Variants in C5AR2 observed in about 807,000 individuals in gnomAD.
The protein encoded by C5AR2 is complement C5a receptor 2.
For synonymous variants in C5AR2, 224 were observed against 216.5 expected, an observed-to-expected ratio of 1.03 and a Z score of -0.30; for missense variants, 458 against 467.5, an observed-to-expected ratio of 0.98 and a Z score of 0.19.
rs1302434574 is a variant in C5AR2, at chr19:47,338,815, C to G, written c.-15-1970C>G. ...AAGTGCCGCTGCAGTCCAGTCTGGG[C>G]TACAGAGCCAGACCCTGTCTCAAAA... On this transcript the variant is annotated intron_variant, in intron 1 of 1. Coordinates refer to ENST00000595464, the MANE Select transcript of C5AR2 (RefSeq NM_001271749.2). Among the ~76,000 whole-genome samples the G allele has an allele frequency of 5.3e-5, 8 of 151,426 alleles. No homozygotes were observed. In the Admixed American group the frequency reaches 5.3e-4, roughly 10 times the overall value.
intron 1 of C5AR2, among the ~76,000 whole-genome samples, chr19:47,336,505 CTTT>C (rs1192301675): frequency 3.5e-5 from 5 of 142,142 alleles, no homozygotes; most frequent in Non-Finnish European, 7.6e-5. Flanking sequence ...TTCTTTCTTT[CTTT>C]CTTTTTCTTT....
intron 1 of C5AR2, among the ~76,000 whole-genome samples, chr19:47,335,649 G>A (rs1479024396): frequency 6.6e-6 from 1 of 150,958 alleles, no homozygotes; most frequent in Admixed American, 6.6e-5. Context: ...GCGGGCGCCT[G>A]TAGTCCCAGC....
rs112941061 is a variant in C5AR2, at chr19:47,344,223, T to C, written c.*2410T>C. Reference sequence around the variant, plus strand: ...TTAGCCTGGTTTGGTGGCACATGCCTGTAGTGCCAGCTACTAGGGAGACTG... The same window carrying C: ...TTAGCCTGGTTTGGTGGCACATGCCCGTAGTGCCAGCTACTAGGGAGACTG... On this transcript the variant is annotated 3_prime_UTR_variant, in exon 2 of 2. Transcript: ENST00000595464. The C allele has an allele frequency of 9.0e-3, 1,378 of 152,368 alleles. 14 individuals carry two copies. Among genetic ancestry groups the C allele is most frequent in the Non-Finnish European group, 0.016 (1,097 of 68,118 alleles). The allele number at this position is 152,368 out of a possible 1,614,324, so 9.4% of individuals were successfully genotyped here.
At position 47,342,054 on chromosome 19, in the gene C5AR2, T is replaced by C; in HGVS notation, c.*241T>C. On this transcript the variant is annotated 3_prime_UTR_variant, in exon 2 of 2. Coordinates refer to ENST00000595464, the MANE Select transcript of C5AR2 (RefSeq NM_001271749.2). Reference sequence around the variant, plus strand: ...ATTCTTCTAGTGGAGGAAGACAGACTATAAACAAAGATATATAGGGCCATT... The same window carrying C: ...ATTCTTCTAGTGGAGGAAGACAGACCATAAACAAAGATATATAGGGCCATT... 1 of 522,328 alleles carries C rather than the reference T, an allele frequency of 1.9e-6. No individual in the cohort carries two copies. Among genetic ancestry groups the C allele is most frequent in the South Asian group, 2.5e-5 (1 of 40,326 alleles). The allele number at this position is 522,328 out of a possible 1,614,324, so 32.4% of individuals were successfully genotyped here.
Position 47,332,918 on chromosome 19 carries a change from A to G in C5AR2, c.-16+569A>G, listed in dbSNP as rs1329743160. The stretch of plus-strand genomic sequence containing the variant: ...CTCTCAAACCTGCAGGAATTCCTGC[A>G]GCTTTCGGCAGATCCACCAAACTGT... On this transcript the variant is annotated intron_variant, in intron 1 of 1. Coordinates refer to ENST00000595464, the MANE Select transcript of C5AR2 (RefSeq NM_001271749.2). Among the ~76,000 whole-genome samples the G allele has an allele frequency of 2.6e-5, 4 of 152,194 alleles. 1 individual carries two copies. The highest frequency in any genetic ancestry group is 2.0e-4 in the Admixed American group (3 of 15,272).
chr19:47,340,026 G>GT (rs1295136582), intron 1 of C5AR2, among the ~76,000 whole-genome samples: 1 of 151,810 alleles, frequency 6.6e-6, no homozygotes, highest in Non-Finnish European at 1.5e-5. Flanking sequence ...GCAGGGGTAT[G>GT]ATCAAGCTCA....
rs1555808250 is a variant in C5AR2, at chr19:47,334,468, G to GAGA, written c.-16+2120_-16+2121insGAA. ...CAACAGAGTAAGGGCTGTCCATACA[G>GAGA]AAAAAAAAAAAAAAATTAGCTGGGC... On this transcript the variant is annotated intron_variant, in intron 1 of 1. Coordinates refer to ENST00000595464, the MANE Select transcript of C5AR2 (RefSeq NM_001271749.2). 7.2e-5 allele frequency among the ~76,000 whole-genome samples: 10 copies of GAGA among 138,406 alleles called. No homozygotes were observed. The East Asian group carries it at 2.1e-3, about 30-fold the overall frequency. The allele number at this position is 138,406 out of a possible 152,430, so 90.8% of individuals were successfully genotyped here. A position where few individuals can be genotyped will look rare whatever the true frequency, so the allele number is the denominator to read the frequency against.
In C5AR2 at chr19:47,341,344, C is replaced by A; in HGVS notation, c.545C>A (p.Ala182Asp). 1 of 1,612,128 alleles carries A rather than the reference C, an allele frequency of 6.2e-7. No homozygotes were observed. Among genetic ancestry groups the A allele is most frequent in the African/African-American group, 1.3e-5 (1 of 75,060 alleles). The change falls in exon 2 of 2, where the codon GCC becomes GAC. Residue 182 changes from alanine (A) to aspartate (D), a missense_variant. Coordinates refer to ENST00000595464, the MANE Select transcript of C5AR2 (RefSeq NM_001271749.2). The surrounding 1 kb of genome is among the most constrained non-coding windows in gnomAD (Gnocchi z 4.6). ...CGGCTGCACCAGGAGCACTTCCCAG[C>A]CCGGCTGCAGTGTGTGGTGGACTAC... ...YRRLHQEHFP[A>D]RLQCVVDYGG...
chr19:47,341,825 A>G lies in C5AR2; in HGVS notation c.*12A>G, dbSNP rs778708698. ...AGATGGAGGTGTAGGCTGGAGAGAC[A>G]TTGTGGGTGTGTATCTTCTTATCTC... is the stretch of plus-strand genomic sequence containing the variant. On this transcript the variant is annotated 3_prime_UTR_variant, in exon 2 of 2. Transcript: ENST00000595464. The surrounding 1 kb of genome is among the most constrained non-coding windows in gnomAD (Gnocchi z 4.6). The G allele has an allele frequency of 4.3e-6, 7 of 1,610,638 alleles. No homozygotes were observed. Among genetic ancestry groups the G allele is most frequent in the Non-Finnish European group, 5.1e-6 (6 of 1,177,804 alleles).
chr19:47,335,282 G>T (rs958821662), intron 1 of C5AR2, among the ~76,000 whole-genome samples: 6 of 152,034 alleles, frequency 3.9e-5, no homozygotes, highest in Non-Finnish European at 7.4e-5. Flanking sequence ...TGTTTTTGAT[G>T]CTTTGAGGAC....
At position 47,341,877 on chromosome 19, in the gene C5AR2, G is replaced by A; in HGVS notation, c.*64G>A. ...TTTCACAAGACTGGCTTCAGGCATAGCTGGATCCAGGAGCTCAATGATGTC... is the reference window on the plus strand; with the variant it reads ...TTTCACAAGACTGGCTTCAGGCATAACTGGATCCAGGAGCTCAATGATGTC... On this transcript the variant is annotated 3_prime_UTR_variant, in exon 2 of 2. Coordinates refer to ENST00000595464, the MANE Select transcript of C5AR2 (RefSeq NM_001271749.2). This position sits in a 1 kb window ranked among gnomAD's most constrained non-coding sequence, Gnocchi z 4.6. The A allele has an allele frequency of 6.9e-7, 1 of 1,447,816 alleles. No homozygotes were observed. Among genetic ancestry groups the A allele is most frequent in the South Asian group, 1.2e-5 (1 of 82,792 alleles). The allele number at this position is 1,447,816 out of a possible 1,614,324, so 89.7% of individuals were successfully genotyped here.
intron 1 of C5AR2, 95 bp from the exon 2 acceptor site, chr19:47,340,690 C>T: frequency 1.8e-6 from 2 of 1,134,680 alleles, no homozygotes; most frequent in East Asian, 2.4e-5. Flanking sequence ...TTCCAGTTTG[C>T]AAGGTGCTGG....
chr19:47,340,499 C>A (rs550780340), intron 1 of C5AR2, among the ~76,000 whole-genome samples: 5 of 151,890 alleles, frequency 3.3e-5, no homozygotes, highest in Non-Finnish European at 7.4e-5. Context: ...GCCACCACAC[C>A]CAGCTAATTT....
intron 1 of C5AR2, among the ~76,000 whole-genome samples, chr19:47,333,333 C>T (rs1321198993): frequency 1.3e-5 from 2 of 152,072 alleles, no homozygotes; most frequent in African/African-American, 4.8e-5. Context: ...AAAATCTGTC[C>T]ACATTCTTGT....
chr19:47,342,863 G>A lies in C5AR2; in HGVS notation c.*1050G>A, dbSNP rs1969066214. 1 of 152,226 alleles carries A rather than the reference G, an allele frequency of 6.6e-6. No individual in the cohort carries two copies. Among genetic ancestry groups the A allele is most frequent in the Non-Finnish European group, 1.5e-5 (1 of 68,170 alleles). The allele number at this position is 152,226 out of a possible 1,614,324, so 9.4% of individuals were successfully genotyped here. On this transcript the variant is annotated 3_prime_UTR_variant, in exon 2 of 2. Coordinates refer to ENST00000595464, the MANE Select transcript of C5AR2 (RefSeq NM_001271749.2). ...GGTCATGCATCTATTTTGAAGGAAA[G>A]GCCAAGTCCAGGCTCCTTAGCTCGG...
chr19:47,341,398 TG>T lies in C5AR2; in HGVS notation c.600del (p.Thr201LeufsTer111), dbSNP rs1247911645. On this transcript the variant is annotated frameshift_variant, in exon 2 of 2. Coordinates refer to ENST00000595464, the MANE Select transcript of C5AR2 (RefSeq NM_001271749.2). LOFTEE classifies it low-confidence loss of function (END_TRUNC). This position sits in a 1 kb window ranked among gnomAD's most constrained non-coding sequence, Gnocchi z 4.6. Reference sequence around the variant, plus strand: ...GGCTCCTCCAGCACCGAGAATGCGGTGACTGCCATCCGGTTTCTTTTTGGCT... The same window carrying T: ...GGCTCCTCCAGCACCGAGAATGCGGTACTGCCATCCGGTTTCTTTTTGGCT... ...YGGSSSTENA[V>X]TAIRFLFGFL... The T allele has an allele frequency of 1.9e-6, 3 of 1,612,180 alleles. No homozygotes were observed. The Admixed American group carries it at 5.0e-5, about 27-fold the overall frequency.
Position 47,343,981 on chromosome 19 carries a change from C to T in C5AR2, c.*2168C>T, listed in dbSNP as rs1969083014. On this transcript the variant is annotated 3_prime_UTR_variant, in exon 2 of 2. Transcript: ENST00000595464. ...CAGCTATAGAACATTGCCATCATAA[C>T]AGAGATTTCTGTTACAAAATGCTGT... is the stretch of plus-strand genomic sequence containing the variant. The T allele has an allele frequency of 2.6e-5, 4 of 152,138 alleles. No homozygotes were observed. The highest frequency in any genetic ancestry group is 2.6e-4 in the Admixed American group (4 of 15,258). The allele number at this position is 152,138 out of a possible 1,614,324, so 9.4% of individuals were successfully genotyped here. A position where few individuals can be genotyped will look rare whatever the true frequency, so the allele number is the denominator to read the frequency against.
chr19:47,333,698 C>T, intron 1 of C5AR2, among the ~76,000 whole-genome samples: 1 of 151,466 alleles, frequency 6.6e-6, no homozygotes, highest in South Asian at 2.1e-4. Flanking sequence ...CCTGCCTCAG[C>T]CTCCTGAGTA....
intron 1 of C5AR2, 29 bp from the exon 2 acceptor site, chr19:47,340,756 A>C (rs1568670167): frequency 6.2e-7 from 1 of 1,609,550 alleles, no homozygotes; most frequent in Non-Finnish European, 8.5e-7. Flanking sequence ...TCCTCCTCTG[A>C]GTTTTCATCG....
Sources: gnomAD v4.1 joint callset for allele counts (sites outside exome capture counted in the v4.1 genomes callset) on GRCh38, gnomAD v4.1.1 for gene constraint, Gnocchi (gnomAD v3.1) non-coding constraint, MANE v1.5 for transcripts, NCBI Gene and HGNC (gene_info 2026-07-23, HGNC 2026-07-21) for gene names.